Variants in SLC39A11 observed in about 807,000 individuals in gnomAD.
SLC39A11 encodes the protein solute carrier family 39 member 11.
A neutral mutation model predicts 36.1 loss-of-function variants in SLC39A11; 33 were observed. The ratio of observed to expected loss-of-function variants is 0.91; its 90% CI spans 0.69 to 1.22. SLC39A11 has a LOEUF of 1.22. Among genes scored for constraint, SLC39A11 ranks in the 50% most tolerant of loss-of-function variants. The pLI is 0.00. For synonymous variants in SLC39A11, 166 were observed against 170.3 expected (o/e 0.97, Z 0.20); for missense variants, 432 against 430.3 (o/e 1.00, Z -0.03).
chr17:73,046,659 T>C (rs1319766985), intron 3 of SLC39A11, among the ~76,000 whole-genome samples: 1 of 152,082 alleles, frequency 6.6e-6, no homozygotes, highest in Non-Finnish European at 1.5e-5. Flanking sequence ...CTAAGGAAGG[T>C]AATACAGGCC....
chr17:72,661,715 G>C (rs889927309), intron 7 of SLC39A11, among the ~76,000 whole-genome samples: 1 of 152,170 alleles, frequency 6.6e-6, no homozygotes, highest in African/African-American at 2.4e-5. Flanking sequence ...AGAGGAGCTG[G>C]CTTAGCACGC....
At position 72,960,383 on chromosome 17, in the gene SLC39A11, A is replaced by ATAGGTAGG. The variant is rs561968831; in HGVS notation, c.307-12516_307-12509dup. The stretch of plus-strand genomic sequence containing the variant: ...GATGGATAGGTAGCCTCTTGTATAC[A>ATAGGTAGG]TAGGTAGGTAGGTAGGTAGGTAGGT... On this transcript the variant is annotated intron_variant, in intron 4 of 9. Transcript: ENST00000255559. Among the ~76,000 whole-genome samples the ATAGGTAGG allele has an allele frequency of 1.4e-3, 215 of 152,252 alleles. 1 individual carries two copies. Among genetic ancestry groups the ATAGGTAGG allele is most frequent in the African/African-American group, 4.9e-3 (202 of 41,536 alleles).
chr17:73,082,856 CAA>C (rs11329811), intron 3 of SLC39A11, among the ~76,000 whole-genome samples: 24 of 150,440 alleles, frequency 1.6e-4, no homozygotes, highest in African/African-American at 5.6e-4. Flanking sequence ...ACTAAAACCA[CAA>C]AAAAAAAATT....
chr17:72,980,453 C>T (rs1054891676), intron 4 of SLC39A11, among the ~76,000 whole-genome samples: 5 of 152,086 alleles, frequency 3.3e-5, no homozygotes, highest in African/African-American at 1.2e-4. Flanking sequence ...AAACGCTCAT[C>T]GTCATAAACC....
At chr17:72,775,802 G>A (rs1324207737) in intron 6 of SLC39A11, among the ~76,000 whole-genome samples, 2 of 152,204 alleles carry the variant, frequency 1.3e-5, no homozygotes, top group Non-Finnish European at 2.9e-5. Flanking sequence ...ACCTACCACA[G>A]AGCTGGGCTG....
At chr17:72,926,542 G>A (rs2147346472) in intron 5 of SLC39A11, among the ~76,000 whole-genome samples, 1 of 152,250 alleles carries the variant, frequency 6.6e-6, no homozygotes, top group Middle Eastern at 3.4e-3. Context: ...TGCTGTTGTT[G>A]CTAAAATGAT....
chr17:72,836,984 C>A (rs1040992133), intron 6 of SLC39A11, among the ~76,000 whole-genome samples: 3 of 152,126 alleles, frequency 2.0e-5, no homozygotes, highest in Non-Finnish European at 2.9e-5. Flanking sequence ...GTCTTTACCC[C>A]AGGAAAATGA....
intron 5 of SLC39A11, among the ~76,000 whole-genome samples, chr17:72,923,749 T>C (rs911260881): frequency 6.6e-6 from 1 of 152,206 alleles, no homozygotes; most frequent in African/African-American, 2.4e-5. Flanking sequence ...AGAAAAGAGT[T>C]AGCTGGTTTT....
chr17:72,820,770 G>A lies in SLC39A11; in HGVS notation c.601+28864C>T, dbSNP rs967472472. Among the ~76,000 whole-genome samples, 9 of 151,014 alleles carry A rather than the reference G, an allele frequency of 6.0e-5. 1 individual carries two copies. Among genetic ancestry groups the A allele is most frequent in the Non-Finnish European group, 1.2e-4 (8 of 67,372 alleles). The stretch of plus-strand genomic sequence containing the variant: ...GGGTGCTAACGGGCGGGCAGAAGCC[G>A]GCCAGGTGAAAAGAATGGGGCAGAA... On this transcript the variant is annotated intron_variant, in intron 6 of 9. Transcript: ENST00000255559.
chr17:72,935,404 A>C (rs1373728827), intron 5 of SLC39A11, among the ~76,000 whole-genome samples: 2 of 152,142 alleles, frequency 1.3e-5, no homozygotes, highest in Non-Finnish European at 2.9e-5. Context: ...GTTTAACTAC[A>C]AGGGGCCAAG....
chr17:72,897,677 C>G (rs1454059107), intron 5 of SLC39A11, among the ~76,000 whole-genome samples: 1 of 152,142 alleles, frequency 6.6e-6, no homozygotes, highest in African/African-American at 2.4e-5. Context: ...AGTGAGGGTC[C>G]TGGTTTTTAG....
chr17:72,749,722 C>T (rs1171444519), intron 6 of SLC39A11, among the ~76,000 whole-genome samples: 1 of 152,084 alleles, frequency 6.6e-6, no homozygotes, highest in Non-Finnish European at 1.5e-5. Flanking sequence ...GTCCCCAGCC[C>T]CACACTGCAC....
chr17:72,980,265 A>G (rs1401499202), intron 4 of SLC39A11, among the ~76,000 whole-genome samples: 1 of 152,222 alleles, frequency 6.6e-6, no homozygotes, highest in Non-Finnish European at 1.5e-5. Flanking sequence ...CAACGGCCAG[A>G]TGGAATATGT....
rs143957397 is a variant in SLC39A11, at chr17:72,803,552, C to T, written c.601+46082G>A. On this transcript the variant is annotated intron_variant, in intron 6 of 9. Transcript: ENST00000255559. ...TTATAGCATGCCTCTTCCCTCATGG[C>T]GTGAAGGATTTAAAGCCCCCAAAGA... Among the ~76,000 whole-genome samples the T allele has an allele frequency of 1.1e-4, 17 of 152,264 alleles. No homozygotes were observed. The East Asian group carries it at 2.9e-3, about 26-fold the overall frequency.
chr17:72,939,045 G>A (rs997622137), intron 5 of SLC39A11, among the ~76,000 whole-genome samples: 14 of 152,124 alleles, frequency 9.2e-5, no homozygotes, highest in African/African-American at 2.4e-4. Context: ...CAAACATGGC[G>A]CCTCAGACGA....
At chr17:72,713,949 C>T (rs1246787690) in intron 7 of SLC39A11, among the ~76,000 whole-genome samples, 1 of 152,184 alleles carries the variant, frequency 6.6e-6, no homozygotes, top group Non-Finnish European at 1.5e-5. Flanking sequence ...CATTTCAAAG[C>T]TCACCCAGCT....
chr17:72,709,572 G>C (rs80322954), intron 7 of SLC39A11, among the ~76,000 whole-genome samples: 4,945 of 152,280 alleles, frequency 0.032, 102 homozygotes, highest in Non-Finnish European at 0.048. Context: ...TAAAGAAAAA[G>C]GTATTCAATG....
At chr17:73,070,679 G>T (rs1452744951) in intron 3 of SLC39A11, among the ~76,000 whole-genome samples, 2 of 152,114 alleles carry the variant, frequency 1.3e-5, no homozygotes, top group African/African-American at 4.8e-5. Flanking sequence ...CACATGTTGT[G>T]GGAGGGACCC....
At chr17:72,830,457 A>T (rs2078231926) in intron 6 of SLC39A11, among the ~76,000 whole-genome samples, 1 of 152,212 alleles carries the variant, frequency 6.6e-6, no homozygotes, top group Non-Finnish European at 1.5e-5. Flanking sequence ...TGGTAAAAAC[A>T]CACACAGAAA....
Sources: allele counts gnomAD v4.1 joint callset (sites outside exome capture counted in the v4.1 genomes callset), GRCh38; gene constraint gnomAD v4.1.1; transcripts MANE v1.5; gene names NCBI Gene and HGNC (gene_info 2026-07-23, HGNC 2026-07-21).